The following SMG7 variants were observed in gnomAD, a reference collection of about 807,000 sequenced individuals.
SMG7 encodes the protein SMG7 nonsense mediated mRNA decay factor.
Under a neutral mutation model 148.2 loss-of-function variants are expected in SMG7, and 34 were observed. The ratio of observed to expected loss-of-function variants is 0.23; its 90% CI spans 0.17 to 0.31. The LOEUF (loss-of-function observed/expected upper bound fraction) is 0.31, where lower values mean the gene tolerates loss of function less well. Among genes scored for constraint, SMG7 ranks in the 10% least tolerant of loss-of-function variants. SMG7 has a pLI of 1.00. For missense variants in SMG7, 1,114 were observed against 1,408.4 expected (o/e 0.79, Z 3.35); for synonymous variants, 492 against 515.1 (o/e 0.96, Z 0.61).
intron 1 of SMG7, among the ~76,000 whole-genome samples, chr1:183,491,012 C>T (rs935229899): frequency 2.0e-5 from 3 of 152,236 alleles, no homozygotes; most frequent in African/African-American, 7.2e-5. Flanking sequence ...TCTCAAACTC[C>T]TGACCTCAGC....
rs1393170562 is a variant in SMG7 at position 183,527,636 on chromosome 1, C to T, written c.485-320C>T. Reference sequence around the variant, plus strand: ...TGTTTTGTTTTTAAGTGCCATATAACTCACCCCTTCTTGTGGGCCGGCTCC... The same window carrying T: ...TGTTTTGTTTTTAAGTGCCATATAATTCACCCCTTCTTGTGGGCCGGCTCC... On this transcript the variant is annotated intron_variant, in intron 5 of 22. Transcript: ENST00000688051. The surrounding 1 kb of genome is among the most constrained non-coding windows in gnomAD (Gnocchi z 4.0). The T allele has an allele frequency of 4.1e-6, 2 of 490,122 alleles. No homozygotes were observed. Among genetic ancestry groups the T allele is most frequent in the Admixed American group, 4.6e-5 (2 of 43,164 alleles). The allele number at this position is 490,122 out of a possible 1,614,324, so 30.4% of individuals were successfully genotyped here.
Position 183,552,499 on chromosome 1 carries a change from A to T in SMG7, c.*568A>T, listed in dbSNP as rs1379509349. On this transcript the variant is annotated 3_prime_UTR_variant, in exon 23 of 23. Transcript: ENST00000688051. ...GAAAGCCCCGTTCACTGCTCCTGTG[A>T]GAGGTTGGTGGTGACAGGATGGGGA... is the stretch of plus-strand genomic sequence containing the variant. 1.0e-6 allele frequency: 1 copy of T among 997,102 alleles called. No homozygotes were observed. The highest frequency in any genetic ancestry group is 1.1e-4 in the East Asian group (1 of 9,376). 61.8% of individuals were successfully genotyped at this position (997,102 alleles called of 1,614,324 possible).
intron 1 of SMG7, among the ~76,000 whole-genome samples, chr1:183,474,559 C>T (rs1651646315): frequency 2.0e-5 from 3 of 152,140 alleles, no homozygotes; most frequent in South Asian, 2.1e-4. Context: ...AGTGAAACTT[C>T]GTCTCAATAA....
rs184414014 is a variant in SMG7 at position 183,552,812 on chromosome 1, C to A, written c.*881C>A. The A allele has an allele frequency of 7.0e-7, 1 of 1,426,490 alleles. No homozygotes were observed. Among genetic ancestry groups the A allele is most frequent in the East Asian group, 2.5e-5 (1 of 39,756 alleles). The allele number at this position is 1,426,490 out of a possible 1,614,324, so 88.4% of individuals were successfully genotyped here. ...TAGTCCATTCACAGCCTGACACGTT[C>A]TAATAGGTAGAAGCTTTCAGTGTGG... On this transcript the variant is annotated 3_prime_UTR_variant, in exon 23 of 23. Coordinates refer to ENST00000688051, the MANE Select transcript of SMG7 (RefSeq NM_001375584.1).
Position 183,515,885 on chromosome 1 carries a change from G to A in SMG7, c.73G>A (p.Gly25Ser). The A allele has an allele frequency of 6.2e-7, 1 of 1,608,992 alleles. No individual in the cohort carries two copies. The highest frequency in any genetic ancestry group is 8.5e-7 in the Non-Finnish European group (1 of 1,176,778). The change falls in exon 3 of 23, where the codon GGT (glycine) becomes AGT (serine). Residue 25 changes from glycine to serine, a missense_variant. Around this residue, in one of 4 missense-constraint regions of SMG7, gnomAD observed 216 missense variants for 329.1 expected, o/e 0.66. Coordinates refer to ENST00000688051, the MANE Select transcript of SMG7 (RefSeq NM_001375584.1). ...TTTTTGTTACTCAGATTCTAAGCTGGGTCCAGCTGAAGTCTGGACATCCAG... is the reference window on the plus strand; with the variant it reads ...TTTTTGTTACTCAGATTCTAAGCTGAGTCCAGCTGAAGTCTGGACATCCAG... ...LKADMTDSKL[G>S]PAEVWTSRQA... is the part of the protein sequence containing the mutation.
Position 183,526,615 on chromosome 1 carries a change from C to T in SMG7, c.332C>T (p.Thr111Ile). The T allele has an allele frequency of 6.2e-7, 1 of 1,610,914 alleles. No homozygotes were observed. Among genetic ancestry groups the T allele is most frequent in the Middle Eastern group, 1.7e-4 (1 of 6,054 alleles). ...FYTQLLQELCTVFNVDLPCRV... is the reference protein window; with the variant it reads ...FYTQLLQELCIVFNVDLPCRV... Reference sequence around the variant, plus strand: ...TTTTAGTTATTACAAGAACTGTGTACAGTATTTAATGTAGATTTACCATGC... The same window carrying T: ...TTTTAGTTATTACAAGAACTGTGTATAGTATTTAATGTAGATTTACCATGC... Residue 111 changes from threonine to isoleucine, a missense_variant, in exon 5 of 23, where the codon ACA (threonine) becomes ATA (isoleucine). Transcript: ENST00000688051.
At chr1:183,512,204 G>A (rs1406892990) in intron 1 of SMG7, among the ~76,000 whole-genome samples, 4 of 152,138 alleles carry the variant, frequency 2.6e-5, no homozygotes, top group Non-Finnish European at 5.9e-5. Flanking sequence ...AAGGGAAGGG[G>A]TAAATCAAAG....
At chr1:183,491,325 A>G (rs1656927478) in intron 1 of SMG7, among the ~76,000 whole-genome samples, 1 of 152,192 alleles carries the variant, frequency 6.6e-6, no homozygotes, top group African/African-American at 2.4e-5. Context: ...TTGTGTGAAT[A>G]TATAATTTGT....
In SMG7 at chr1:183,553,608, G is replaced by GCCCCACCCCCCC. The variant is rs1671401437; in HGVS notation, c.*1681_*1682insACCCCCCCCCCC. On this transcript the variant is annotated 3_prime_UTR_variant, in exon 23 of 23. Transcript: ENST00000688051. ...TTGCTCTTCAGAGAGAGTGGTTGGA[G>GCCCCACCCCCCC]CCCCCCCCGCCCCGTATGCTTACAT... 7.8e-6 allele frequency: 1 copy of GCCCCACCCCCCC among 128,298 alleles called. No homozygotes were observed. Among genetic ancestry groups the GCCCCACCCCCCC allele is most frequent in the Admixed American group, 9.0e-5 (1 of 11,096 alleles). The allele number at this position is 128,298 out of a possible 1,614,324, so 7.9% of individuals were successfully genotyped here.
chr1:183,511,965 A>G (rs958693643), intron 1 of SMG7, among the ~76,000 whole-genome samples: 3 of 152,226 alleles, frequency 2.0e-5, no homozygotes, highest in Non-Finnish European at 4.4e-5. Context: ...AGATGAAACA[A>G]CCTTACAAAG....
At chr1:183,533,391 G>C in intron 9 of SMG7, 65 bp downstream of exon 9, 1 of 1,491,142 alleles carries the variant, frequency 6.7e-7, no homozygotes, top group Non-Finnish European at 9.2e-7. Flanking sequence ...GCATTTCATC[G>C]ATGTAGCAAA....
chr1:183,476,960 T>C (rs989685596), intron 1 of SMG7, among the ~76,000 whole-genome samples: 13 of 151,926 alleles, frequency 8.6e-5, no homozygotes, highest in Admixed American at 2.6e-4. Context: ...TAGGAGAAGG[T>C]TAGGATAGGC....
At chr1:183,505,421 A>G (rs544386201) in intron 1 of SMG7, among the ~76,000 whole-genome samples, 10 of 152,176 alleles carry the variant, frequency 6.6e-5, no homozygotes, top group South Asian at 2.1e-4. Context: ...CTATTCACCA[A>G]TTTCTTCTTG....
chr1:183,479,956 C>A (rs902145084), intron 1 of SMG7, among the ~76,000 whole-genome samples: 10 of 152,138 alleles, frequency 6.6e-5, no homozygotes, highest in African/African-American at 2.4e-4. Context: ...AAAATTGATT[C>A]ACTCACTTAA....
intron 22 of SMG7, 152 bp downstream of exon 22, chr1:183,551,342 C>A (rs1037760210): frequency 4.3e-6 from 3 of 696,924 alleles, no homozygotes; most frequent in Admixed American, 7.2e-5. Flanking sequence ...GTCTGCCTTA[C>A]AAGATTCTTG....
At chr1:183,512,768 TTA>T in intron 1 of SMG7, 67 bp from the exon 2 acceptor site, 1 of 1,410,046 alleles carries the variant, frequency 7.1e-7, no homozygotes, top group Middle Eastern at 2.5e-4. Flanking sequence ...TTAGTGTTAT[TTA>T]TATGTTAGTT....
chr1:183,488,242 T>C (rs1236888182), intron 1 of SMG7, among the ~76,000 whole-genome samples: 1 of 152,240 alleles, frequency 6.6e-6, no homozygotes, highest in African/African-American at 2.4e-5. Flanking sequence ...GAGGTTTTTC[T>C]CTTTCACTCC....
chr1:183,552,744 A>G lies in SMG7; in HGVS notation c.*813A>G. ...TTCAAATTACGTTTTTGATTCCTGT[A>G]CATTTTACAGTCGCACAGCAAGCAG... On this transcript the variant is annotated 3_prime_UTR_variant, in exon 23 of 23. Transcript: ENST00000688051. 7.3e-7 allele frequency: 1 copy of G among 1,365,688 alleles called. No individual in the cohort carries two copies. Among genetic ancestry groups the G allele is most frequent in the East Asian group, 2.8e-5 (1 of 35,994 alleles). The allele number at this position is 1,365,688 out of a possible 1,614,324, so 84.6% of individuals were successfully genotyped here.
intron 20 of SMG7, among the ~76,000 whole-genome samples, chr1:183,550,433 G>A (rs1185633443): frequency 1.3e-5 from 2 of 152,158 alleles, no homozygotes; most frequent in Admixed American, 6.5e-5. Context: ...CTTAAGGTTA[G>A]CAAATTCTTT....
Sources: gnomAD v4.1 joint callset for allele counts (sites outside exome capture counted in the v4.1 genomes callset) on GRCh38, gnomAD v4.1.1 for gene constraint, gnomAD v4.1.1 regional missense constraint, Gnocchi (gnomAD v3.1) non-coding constraint, MANE v1.5 for transcripts, NCBI Gene and HGNC (gene_info 2026-07-23, HGNC 2026-07-21) for gene names.